SESN1: variants seen among roughly 807,000 people sequenced by gnomAD.
The protein encoded by SESN1 is sestrin 1.
Under a neutral mutation model 59.3 loss-of-function variants are expected in SESN1, and 30 were observed. The ratio of observed to expected loss-of-function variants is 0.51; its 90% CI spans 0.38 to 0.69. The LOEUF is 0.69. Among genes scored for constraint, SESN1 ranks in the 30% least tolerant of loss-of-function variants. The probability of loss-of-function intolerance (pLI) is 0.00; values close to 1 mark genes in which losing one functional copy is unlikely to be tolerated. For missense variants in SESN1, 566 were observed against 673.0 expected, an observed-to-expected ratio of 0.84 and a Z score of 1.76; for synonymous variants, 197 against 219.9, an observed-to-expected ratio of 0.90 and a Z score of 0.92.
At chr6:109,070,644 T>G (rs1400490236) in intron 1 of SESN1, among the ~76,000 whole-genome samples, 1 of 152,246 alleles carries the variant, frequency 6.6e-6, no homozygotes, top group Non-Finnish European at 1.5e-5. Flanking sequence ...AGACAACTAC[T>G]GTTTCTAATA....
chr6:109,021,173 T>C (rs938086967), intron 1 of SESN1, among the ~76,000 whole-genome samples: 1 of 152,042 alleles, frequency 6.6e-6, no homozygotes, highest in African/African-American at 2.4e-5. Flanking sequence ...TTTGACATTT[T>C]TGTACAGATG....
chr6:109,082,512 C>T (rs953610149), intron 1 of SESN1, among the ~76,000 whole-genome samples: 1 of 152,218 alleles, frequency 6.6e-6, no homozygotes, highest in Non-Finnish European at 1.5e-5. Flanking sequence ...TCCTCCAATG[C>T]TGTCCAGGTA....
Position 108,984,717 on chromosome 6 carries a change from G to T in SESN1, c.*2827C>A, listed in dbSNP as rs1453888783. Among the ~76,000 whole-genome samples, 1 of 152,102 alleles carries T rather than the reference G, an allele frequency of 6.6e-6. No individual in the cohort carries two copies. Among genetic ancestry groups the T allele is most frequent in the Non-Finnish European group, 1.5e-5 (1 of 68,018 alleles). ...AATTTTTTTGGATCATTCATTGTTA[G>T]TGTATAGAAATACAACTGATTTTTG... On this transcript the variant is annotated 3_prime_UTR_variant, in exon 10 of 10. Coordinates refer to ENST00000436639, the MANE Select transcript of SESN1 (RefSeq NM_014454.3).
chr6:109,045,602 C>A (rs1024503881), intron 1 of SESN1, among the ~76,000 whole-genome samples: 1 of 152,216 alleles, frequency 6.6e-6, no homozygotes, highest in Non-Finnish European at 1.5e-5. Context: ...TTATCTCTCA[C>A]TTCTTCAACT....
At chr6:108,996,527 T>C (rs1779505392) in intron 5 of SESN1, among the ~76,000 whole-genome samples, 1 of 152,290 alleles carries the variant, frequency 6.6e-6, no homozygotes, top group East Asian at 1.9e-4. Context: ...AGAGCCCAAA[T>C]TTTAAGTATT....
intron 1 of SESN1, among the ~76,000 whole-genome samples, chr6:109,065,492 C>A (rs191440493): frequency 1.3e-5 from 2 of 152,156 alleles, no homozygotes; most frequent in Non-Finnish European, 2.9e-5. Flanking sequence ...TCACACATTC[C>A]TTTCTATTTG....
chr6:109,079,870 G>A (rs1158948968), intron 1 of SESN1, among the ~76,000 whole-genome samples: 1 of 152,152 alleles, frequency 6.6e-6, no homozygotes, highest in Non-Finnish European at 1.5e-5. Flanking sequence ...GTATGCATGA[G>A]CATACAAATG....
chr6:108,996,242 T>C (rs1779500913), intron 5 of SESN1, among the ~76,000 whole-genome samples: 1 of 152,216 alleles, frequency 6.6e-6, no homozygotes, highest in Non-Finnish European at 1.5e-5. Flanking sequence ...TGCTTTACAT[T>C]TTCTTTTGAT....
At position 109,093,552 on chromosome 6, in the gene SESN1, T is replaced by C. The variant is rs181036724; in HGVS notation, c.279+243A>G. ...TTCCAACAACATGTAAAAAGAAATA[T>C]AAGGAAAAACAAGTATTTACTTGGA... On this transcript the variant is annotated intron_variant, in intron 1 of 9. Transcript: ENST00000436639. 2.4e-3 allele frequency among the ~76,000 whole-genome samples: 370 copies of C among 152,266 alleles called. 1 individual carries two copies. The highest frequency in any genetic ancestry group is 3.7e-3 in the Non-Finnish European group (250 of 68,000).
At chr6:109,035,950 T>A (rs1430036862) in intron 1 of SESN1, among the ~76,000 whole-genome samples, 1 of 152,178 alleles carries the variant, frequency 6.6e-6, no homozygotes, top group African/African-American at 2.4e-5. Context: ...ACTAAACTTC[T>A]GTAACTCCCA....
rs79529026 is a variant in SESN1 at position 109,064,782 on chromosome 6, C to T, written c.279+29013G>A. Among the ~76,000 whole-genome samples the T allele has an allele frequency of 7.8e-3, 1,189 of 151,686 alleles. 21 individuals are homozygous for T. The highest frequency in any genetic ancestry group is 0.028 in the African/African-American group (1,138 of 41,296). The stretch of plus-strand genomic sequence containing the variant: ...ATATGAAGTATAAACAAGTCTATAT[C>T]GCTGAGAGTACACTTTCAGGTTGGC... On this transcript the variant is annotated intron_variant, in intron 1 of 9. Transcript: ENST00000436639.
chr6:109,054,599 T>G (rs572972683), intron 1 of SESN1, among the ~76,000 whole-genome samples: 2 of 152,312 alleles, frequency 1.3e-5, no homozygotes, highest in East Asian at 3.8e-4. Flanking sequence ...TCTACTAAGA[T>G]AGTAGGCACA....
At chr6:109,084,589 A>C (rs1781181686) in intron 1 of SESN1, among the ~76,000 whole-genome samples, 1 of 152,176 alleles carries the variant, frequency 6.6e-6, no homozygotes, top group Non-Finnish European at 1.5e-5. Flanking sequence ...CAAAACAAAC[A>C]AACAAAAAAT....
At chr6:108,991,287 G>A (rs1261118631) in intron 7 of SESN1, among the ~76,000 whole-genome samples, 1 of 152,022 alleles carries the variant, frequency 6.6e-6, no homozygotes, top group Non-Finnish European at 1.5e-5. Context: ...TGTTGTCCAG[G>A]CTAGAGTACA....
chr6:109,080,109 A>G (rs1280907158), intron 1 of SESN1, among the ~76,000 whole-genome samples: 4 of 152,222 alleles, frequency 2.6e-5, no homozygotes, highest in Admixed American at 2.6e-4. Flanking sequence ...CTATAAAGCC[A>G]GAAGCCAGTT....
At chr6:109,052,889 C>G (rs2114444586) in intron 1 of SESN1, among the ~76,000 whole-genome samples, 1 of 152,268 alleles carries the variant, frequency 6.6e-6, no homozygotes, top group Middle Eastern at 3.4e-3. Context: ...ATGAGCAAAA[C>G]TACACAGCTG....
chr6:108,993,047 T>C, intron 6 of SESN1, 148 bp from the exon 7 acceptor site: 1 of 583,022 alleles, frequency 1.7e-6, no homozygotes, highest in Non-Finnish European at 3.0e-6. Flanking sequence ...ACAAAGTAGT[T>C]TACTTGCTAG....
rs2128525771 is a variant in SESN1, at chr6:108,986,380, A to C, written c.*1164T>G. ...ACTTGGCTTATGAAAGTAGATAGAA[A>C]CTCAAAATTATTACTAATAGTGAAG... On this transcript the variant is annotated 3_prime_UTR_variant, in exon 10 of 10. Transcript: ENST00000436639. 6.6e-6 allele frequency: 1 copy of C among 152,638 alleles called. No individual in the cohort carries two copies. Among genetic ancestry groups the C allele is most frequent in the African/African-American group, 2.4e-5 (1 of 41,460 alleles). The allele number at this position is 152,638 out of a possible 1,614,324, so 9.5% of individuals were successfully genotyped here. A position where few individuals can be genotyped will look rare whatever the true frequency, so the allele number is the denominator to read the frequency against.
intron 1 of SESN1, among the ~76,000 whole-genome samples, chr6:109,048,653 T>G (rs1780491690): frequency 6.6e-6 from 1 of 152,192 alleles, no homozygotes; most frequent in African/African-American, 2.4e-5. Flanking sequence ...GGAGAATTTT[T>G]TTTATGTCAA....
Sources: gnomAD v4.1 joint callset for allele counts (sites outside exome capture counted in the v4.1 genomes callset) on GRCh38, gnomAD v4.1.1 for gene constraint, MANE v1.5 for transcripts, NCBI Gene and HGNC (gene_info 2026-07-23, HGNC 2026-07-21) for gene names.